Variants in TLN2 observed in about 807,000 individuals in gnomAD.
TLN2 encodes the protein talin-2.
In TLN2, 118 loss-of-function variants were observed where a neutral mutation model predicts 294.7. That is an observed-to-expected ratio of 0.40 (90% confidence interval 0.34 to 0.47). The LOEUF (loss-of-function observed/expected upper bound fraction) is 0.47, where lower values mean the gene tolerates loss of function less well. Ranked by LOEUF, TLN2 falls within the 20% of genes least tolerant of loss-of-function variation. TLN2 has a pLI of 0.84. For synonymous variants in TLN2, 1,431 were observed against 1,304.5 expected (o/e 1.10, Z -2.09); for missense variants, 3,083 against 3,282.2 (o/e 0.94, Z 1.48).
At chr15:62,604,524 TAAA>T (rs35955277) in intron 2 of TLN2, among the ~76,000 whole-genome samples, 4 of 87,292 alleles carry the variant, frequency 4.6e-5, no homozygotes, top group African/African-American at 8.7e-5. Context: ...GACCTTGTCT[TAAA>T]AAAAAAAAAA....
chr15:62,465,849 T>G (rs958580407), intron 1 of TLN2, among the ~76,000 whole-genome samples: 3 of 152,232 alleles, frequency 2.0e-5, no homozygotes, highest in African/African-American at 7.2e-5. Flanking sequence ...AACATAGAAT[T>G]GGAAATGAAG....
chr15:62,565,631 C>T (rs1240545430), intron 1 of TLN2, among the ~76,000 whole-genome samples: 3 of 152,170 alleles, frequency 2.0e-5, no homozygotes, highest in East Asian at 3.9e-4. Context: ...GCTAGGCAAA[C>T]GCTTTAAACT....
rs1389831373 is a variant in TLN2 at position 62,465,360 on chromosome 15, G to C, written c.-238+74675G>C. Among the ~76,000 whole-genome samples, 14 of 152,126 alleles carry C rather than the reference G, an allele frequency of 9.2e-5. 1 individual carries two copies. Among genetic ancestry groups the C allele is most frequent in the Admixed American group, 9.2e-4 (14 of 15,270 alleles). ...ATTCCTGTGCGGTGCGGCTGGGGAA[G>C]TGGTTCTGTCTCCGACTCTTTCAGA... is the stretch of plus-strand genomic sequence containing the variant. On this transcript the variant is annotated intron_variant, in intron 1 of 58. Transcript: ENST00000636159.
intron 44 of TLN2, among the ~76,000 whole-genome samples, chr15:62,781,612 A>G (rs2064175793): frequency 6.6e-6 from 1 of 152,226 alleles, no homozygotes; most frequent in Non-Finnish European, 1.5e-5. Context: ...TGTTTTTAGT[A>G]GATTAAAATA....
intron 1 of TLN2, among the ~76,000 whole-genome samples, chr15:62,409,871 T>C (rs1460910075): frequency 3.9e-5 from 6 of 152,234 alleles, no homozygotes; most frequent in Admixed American, 1.3e-4. Flanking sequence ...TTTCCACAAA[T>C]GAATTTTTTC....
intron 30 of TLN2, 138 bp downstream of exon 30, chr15:62,738,471 T>C: frequency 2.4e-6 from 3 of 1,249,738 alleles, no homozygotes. Context: ...CCAGTCTTTG[T>C]TTTCCATGTT....
At chr15:62,425,371 C>G (rs936511910) in intron 1 of TLN2, among the ~76,000 whole-genome samples, 3 of 152,202 alleles carry the variant, frequency 2.0e-5, no homozygotes, top group Admixed American at 6.5e-5. Context: ...CCTCTGAGCT[C>G]TACCTTGGGA....
intron 4 of TLN2, among the ~76,000 whole-genome samples, chr15:62,649,188 C>A (rs980833110): frequency 1.3e-4 from 20 of 152,080 alleles, no homozygotes; most frequent in African/African-American, 4.8e-4. Context: ...CTAGATTACT[C>A]AGAAATAAGG....
rs181208710 is a variant in TLN2, at chr15:62,518,733, G to A, written c.-237-70954G>A. Among the ~76,000 whole-genome samples the A allele has an allele frequency of 2.6e-3, 403 of 152,090 alleles. 3 individuals are homozygous for A. The highest frequency in any genetic ancestry group is 9.5e-3 in the African/African-American group (394 of 41,496). On this transcript the variant is annotated intron_variant, in intron 1 of 58. Transcript: ENST00000636159. ...CTACCTCAGCCTTCCCAGTAGCTGGGATTACAGGTGCCCGCCATCACACCC... is the reference window on the plus strand; with the variant it reads ...CTACCTCAGCCTTCCCAGTAGCTGGAATTACAGGTGCCCGCCATCACACCC...
At chr15:62,463,235 C>T (rs2036912617) in intron 1 of TLN2, among the ~76,000 whole-genome samples, 1 of 152,234 alleles carries the variant, frequency 6.6e-6, no homozygotes, top group African/African-American at 2.4e-5. Context: ...CACCCACTGA[C>T]TTCCCACTTT....
chr15:62,520,808 T>TA (rs1208153775), intron 1 of TLN2, among the ~76,000 whole-genome samples: 2 of 152,212 alleles, frequency 1.3e-5, no homozygotes, highest in Non-Finnish European at 2.9e-5. Flanking sequence ...TAGAGCGATT[T>TA]AAAAAATAAT....
At chr15:62,480,317 G>A (rs542971207) in intron 1 of TLN2, among the ~76,000 whole-genome samples, 14 of 152,270 alleles carry the variant, frequency 9.2e-5, no homozygotes, top group Middle Eastern at 3.4e-3. Flanking sequence ...GGGTTCAAGC[G>A]ATTCTCCAGC....
intron 2 of TLN2, among the ~76,000 whole-genome samples, chr15:62,593,074 T>G (rs1488128342): frequency 1.3e-5 from 2 of 152,272 alleles, no homozygotes; most frequent in African/African-American, 4.8e-5. Context: ...GGAGAATTGT[T>G]GAATCTGTGA....
At chr15:62,566,624 C>CTTT (rs757929282) in intron 1 of TLN2, among the ~76,000 whole-genome samples, 66 of 135,538 alleles carry the variant, frequency 4.9e-4, no homozygotes, top group African/African-American at 1.6e-3. Flanking sequence ...AGAAACCTTC[C>CTTT]TTTTTTTTTT....
In TLN2 at chr15:62,841,410, A is replaced by ACAGT. The variant is rs751534680; in HGVS notation, c.*805_*808dup. 7 of 152,156 alleles carry ACAGT rather than the reference A, an allele frequency of 4.6e-5. No individual in the cohort carries two copies. Among genetic ancestry groups the ACAGT allele is most frequent in the African/African-American group, 1.7e-4 (7 of 41,396 alleles). 9.4% of individuals were successfully genotyped at this position (152,156 alleles called of 1,614,324 possible). On this transcript the variant is annotated 3_prime_UTR_variant, in exon 59 of 59. Coordinates refer to ENST00000636159, the MANE Select transcript of TLN2 (RefSeq NM_015059.3). Reference sequence around the variant, plus strand: ...CACACAAACCCACGGCTCCCAGTTGACAGTCAGTGGAATGCTCGTCTCCTT... The same window carrying ACAGT: ...CACACAAACCCACGGCTCCCAGTTGACAGTCAGTCAGTGGAATGCTCGTCTCCTT...
In TLN2 at chr15:62,647,266, G is replaced by A; in HGVS notation, c.-36-9G>A. 2 of 1,583,180 alleles carry A rather than the reference G, an allele frequency of 1.3e-6. No individual in the cohort carries two copies. The highest frequency in any genetic ancestry group is 2.3e-5 in the East Asian group (1 of 44,254). On this transcript the variant is annotated splice_polypyrimidine_tract_variant and intron_variant, in intron 3 of 58. Transcript: ENST00000636159. Reference sequence around the variant, plus strand: ...TGAACATCAGGGTTTGTCTCTTTGTGTTTTCCAGACATTCTAAGTGAGACT... The same window carrying A: ...TGAACATCAGGGTTTGTCTCTTTGTATTTTCCAGACATTCTAAGTGAGACT...
At chr15:62,549,301 T>C (rs748921934) in intron 1 of TLN2, among the ~76,000 whole-genome samples, 38 of 151,842 alleles carry the variant, frequency 2.5e-4, no homozygotes, top group Non-Finnish European at 5.1e-4. Context: ...CGCTGAAGTT[T>C]ATTTATTATT....
intron 1 of TLN2, among the ~76,000 whole-genome samples, chr15:62,405,298 G>A (rs1299902981): frequency 6.6e-6 from 1 of 152,036 alleles, no homozygotes; most frequent in Non-Finnish European, 1.5e-5. Context: ...GAGGATCCTA[G>A]GAGGGTTTCC....
intron 32 of TLN2, among the ~76,000 whole-genome samples, chr15:62,742,024 GGTGTGTGTGTGTGTGTGTGTGTGTGTGT>G (rs1169646907): frequency 7.3e-5 from 6 of 82,222 alleles, no homozygotes; most frequent in African/African-American, 2.7e-4. Flanking sequence ...CTTGTAGTGG[GGTGTGTGTGTGTGTGTGTGTGTGTGTGT>G]GTGTGTGTGT....
Sources: allele counts gnomAD v4.1 joint callset (sites outside exome capture counted in the v4.1 genomes callset), GRCh38; gene constraint gnomAD v4.1.1; transcripts MANE v1.5; gene names NCBI Gene and HGNC (gene_info 2026-07-23, HGNC 2026-07-21).